PLCB4: variants seen among roughly 807,000 people sequenced by gnomAD.
PLCB4 encodes the protein 1-phosphatidylinositol 4,5-bisphosphate phosphodiesterase beta-4.
A neutral mutation model predicts 178.8 loss-of-function variants in PLCB4; 77 were observed. That is an observed-to-expected ratio of 0.43 (90% CI 0.36 to 0.52). PLCB4 has a LOEUF of 0.52. Among genes scored for constraint, PLCB4 ranks in the 20% least tolerant of loss-of-function variants. The probability of loss-of-function intolerance (pLI) is 0.00; values close to 1 mark genes in which losing one functional copy is unlikely to be tolerated. For missense variants in PLCB4, 1,024 were observed against 1,453.4 expected (o/e 0.70, Z 4.80); for synonymous variants, 496 against 490.8 (o/e 1.01, Z -0.14).
intron 2 of PLCB4, among the ~76,000 whole-genome samples, chr20:9,099,636 A>AT (rs1343328709): frequency 6.6e-6 from 1 of 151,958 alleles, no homozygotes; most frequent in Non-Finnish European, 1.5e-5. Context: ...GGACTGCTCC[A>AT]TGCCACAAGT....
chr20:9,202,423 C>T (rs992364970), intron 2 of PLCB4, among the ~76,000 whole-genome samples: 4 of 152,268 alleles, frequency 2.6e-5, no homozygotes, highest in African/African-American at 9.6e-5. Context: ...AGTTATACCT[C>T]TGATGCCAGG....
At chr20:9,466,272 A>G (rs1161678773) in intron 35 of PLCB4, among the ~76,000 whole-genome samples, 1 of 152,242 alleles carries the variant, frequency 6.6e-6, no homozygotes, top group East Asian at 1.9e-4. Context: ...TACACCTTAT[A>G]CAAAAATTAA....
intron 5 of PLCB4, among the ~76,000 whole-genome samples, chr20:9,337,464 C>G (rs1030818089): frequency 6.6e-6 from 1 of 152,142 alleles, no homozygotes; most frequent in African/African-American, 2.4e-5. Context: ...AAAGAGAACA[C>G]TGGATTGTCA....
intron 3 of PLCB4, among the ~76,000 whole-genome samples, chr20:9,278,947 C>T (rs2147674383): frequency 6.6e-6 from 1 of 152,164 alleles, no homozygotes; most frequent in East Asian, 1.9e-4. Context: ...AGGTCCTGCC[C>T]TCATGGAGTT....
At chr20:9,174,775 A>G (rs181868242) in intron 2 of PLCB4, among the ~76,000 whole-genome samples, 14 of 152,286 alleles carry the variant, frequency 9.2e-5, no homozygotes, top group Admixed American at 9.2e-4. Flanking sequence ...ACTGTCATTT[A>G]TCAGCAGAAC....
At chr20:9,208,106 C>A (rs1046751846) in intron 2 of PLCB4, among the ~76,000 whole-genome samples, 2 of 152,124 alleles carry the variant, frequency 1.3e-5, no homozygotes, top group African/African-American at 4.8e-5. Flanking sequence ...ATAATAGATG[C>A]AGAAATAGCC....
At chr20:9,322,248 T>C (rs1205329359) in intron 4 of PLCB4, among the ~76,000 whole-genome samples, 3 of 151,580 alleles carry the variant, frequency 2.0e-5, no homozygotes, top group Non-Finnish European at 4.4e-5. Flanking sequence ...CATGAGCCAC[T>C]GTGCCTGGCC....
chr20:9,307,842 C>A lies in PLCB4; in HGVS notation c.28C>A (p.Gln10Lys). 6.2e-7 allele frequency: 1 copy of A among 1,600,632 alleles called. No individual in the cohort carries two copies. Among genetic ancestry groups the A allele is most frequent in the Non-Finnish European group, 8.6e-7 (1 of 1,169,330 alleles). Reference sequence around the variant, plus strand: ...GGCCAAACCTTATGAATTTAACTGGCAGAAGGAAGTTCCCTCCTTTTTGCA... The same window carrying A: ...GGCCAAACCTTATGAATTTAACTGGAAGAAGGAAGTTCCCTCCTTTTTGCA... MAKPYEFNW[Q>K]KEVPSFLQEG... Residue 10 changes from glutamine to lysine, a missense_variant, in exon 4 of 40, where the codon CAG (glutamine) becomes AAG (lysine). Coordinates refer to ENST00000378473, the MANE Select transcript of PLCB4 (RefSeq NM_001377142.1).
intron 4 of PLCB4, among the ~76,000 whole-genome samples, chr20:9,314,546 C>T (rs1022304919): frequency 1.2e-4 from 18 of 152,088 alleles, no homozygotes; most frequent in African/African-American, 4.1e-4. Context: ...GAAGGGGGTA[C>T]ATGTATGGAT....
intron 3 of PLCB4, among the ~76,000 whole-genome samples, chr20:9,276,641 T>C (rs1219633175): frequency 6.6e-6 from 1 of 152,074 alleles, no homozygotes; most frequent in African/African-American, 2.4e-5. Context: ...TAGTCCCTGC[T>C]CTTTCTTCCC....
At chr20:9,280,102 T>C (rs778806314) in intron 3 of PLCB4, among the ~76,000 whole-genome samples, 2 of 152,014 alleles carry the variant, frequency 1.3e-5, no homozygotes, top group Non-Finnish European at 2.9e-5. Context: ...GGGGACTGAC[T>C]TGTTCAGTTG....
chr20:9,126,780 T>G (rs1046400156), intron 2 of PLCB4, among the ~76,000 whole-genome samples: 2 of 151,406 alleles, frequency 1.3e-5, no homozygotes, highest in African/African-American at 4.8e-5. Flanking sequence ...GCTTTTTTTT[T>G]TTTTTTTTTT....
At position 9,389,865 on chromosome 20, in the gene PLCB4, T is replaced by G; in HGVS notation, c.1159-14T>G. The G allele has an allele frequency of 6.8e-7, 1 of 1,473,228 alleles. No homozygotes were observed. The highest frequency in any genetic ancestry group is 9.4e-7 in the Non-Finnish European group (1 of 1,064,306). The allele number at this position is 1,473,228 out of a possible 1,614,324, so 91.3% of individuals were successfully genotyped here. On this transcript the variant is annotated splice_polypyrimidine_tract_variant and intron_variant, in intron 15 of 39. Coordinates refer to ENST00000378473, the MANE Select transcript of PLCB4 (RefSeq NM_001377142.1). Reference sequence around the variant, plus strand: ...GCTCTTTTCTCTCATTAACGTTTTTTTTTGTTTTTAAAGGATGTAATTCAA... The same window carrying G: ...GCTCTTTTCTCTCATTAACGTTTTTGTTTGTTTTTAAAGGATGTAATTCAA...
chr20:9,140,429 T>G (rs1407019102), intron 2 of PLCB4, among the ~76,000 whole-genome samples: 1 of 152,068 alleles, frequency 6.6e-6, no homozygotes, highest in African/African-American at 2.4e-5. Flanking sequence ...ATTGCTCCTG[T>G]TAGGTACTGA....
intron 28 of PLCB4, among the ~76,000 whole-genome samples, chr20:9,429,759 A>G (rs1054325025): frequency 6.6e-6 from 1 of 152,198 alleles, no homozygotes; most frequent in African/African-American, 2.4e-5. Context: ...CAGTGGAGAA[A>G]CTGAATTACA....
intron 2 of PLCB4, among the ~76,000 whole-genome samples, chr20:9,171,754 C>T (rs544045548): frequency 5.9e-5 from 9 of 152,184 alleles, no homozygotes; most frequent in African/African-American, 1.9e-4. Flanking sequence ...TAATTGGAGG[C>T]GGCAGAAGCA....
At chr20:9,342,908 T>G (rs773379599) in intron 7 of PLCB4, among the ~76,000 whole-genome samples, 85 of 152,306 alleles carry the variant, frequency 5.6e-4, no homozygotes, top group Middle Eastern at 3.4e-3. Context: ...AACAATGCCC[T>G]TTCTTTCCAC....
At chr20:9,242,540 C>G (rs1475754985) in intron 3 of PLCB4, among the ~76,000 whole-genome samples, 2 of 152,140 alleles carry the variant, frequency 1.3e-5, no homozygotes, top group African/African-American at 4.8e-5. Context: ...AATGGCTGGA[C>G]CTTCTTAAAT....
intron 2 of PLCB4, among the ~76,000 whole-genome samples, chr20:9,143,344 A>G (rs1398723482): frequency 5.9e-5 from 9 of 152,186 alleles, no homozygotes; most frequent in Non-Finnish European, 1.2e-4. Flanking sequence ...TGTTGAGTGA[A>G]TGAAACAAAT....
Sources: gnomAD v4.1 joint callset for allele counts (sites outside exome capture counted in the v4.1 genomes callset) on GRCh38, gnomAD v4.1.1 for gene constraint, MANE v1.5 for transcripts, NCBI Gene and HGNC (gene_info 2026-07-23, HGNC 2026-07-21) for gene names.